GRXCR1: variants seen among roughly 807,000 people sequenced by gnomAD.
The protein encoded by GRXCR1 is glutaredoxin and cysteine rich domain containing 1, also known as glutaredoxin domain-containing cysteine-rich protein 1.
Under a neutral mutation model 27.3 loss-of-function variants are expected in GRXCR1, and 27 were observed. That is an observed-to-expected ratio of 0.99 (90% confidence interval 0.73 to 1.37). The LOEUF is 1.37. Ranked by LOEUF, GRXCR1 falls within the 40% of genes most tolerant of loss-of-function variation. The pLI is 0.00. For synonymous variants in GRXCR1, 122 were observed against 131.1 expected (o/e 0.93, Z 0.47); for missense variants, 379 against 354.4 (o/e 1.07, Z -0.56).
At chr4:42,965,141 T>C (rs1453489864) in intron 2 of GRXCR1, among the ~76,000 whole-genome samples, 1 of 152,022 alleles carries the variant, frequency 6.6e-6, no homozygotes, top group Non-Finnish European at 1.5e-5. Context: ...GCCCTATAGT[T>C]TGAGGAATCT....
At chr4:42,996,774 A>G (rs574361614) in intron 2 of GRXCR1, among the ~76,000 whole-genome samples, 1 of 152,190 alleles carries the variant, frequency 6.6e-6, no homozygotes, top group Admixed American at 6.5e-5. Context: ...AGATTAAATA[A>G]CATCCTGACA....
chr4:42,935,307 C>T (rs1747431054), intron 1 of GRXCR1, among the ~76,000 whole-genome samples: 1 of 151,628 alleles, frequency 6.6e-6, no homozygotes, highest in African/African-American at 2.4e-5. Context: ...AAAAACAACA[C>T]CAAATTAAAA....
intron 2 of GRXCR1, among the ~76,000 whole-genome samples, chr4:42,990,308 C>T (rs1711927716): frequency 6.8e-6 from 1 of 146,882 alleles, no homozygotes; most frequent in South Asian, 2.2e-4. Flanking sequence ...TCTCCTGCCT[C>T]AGCCTCCCAA....
chr4:42,968,304 A>T (rs1459270743), intron 2 of GRXCR1, among the ~76,000 whole-genome samples: 1 of 152,148 alleles, frequency 6.6e-6, no homozygotes, highest in Non-Finnish European at 1.5e-5. Context: ...GATGTCCAAT[A>T]TTATAAAATC....
chr4:43,014,783 A>G (rs1191193437), intron 2 of GRXCR1, among the ~76,000 whole-genome samples: 1 of 152,166 alleles, frequency 6.6e-6, no homozygotes, highest in East Asian at 1.9e-4. Context: ...CCCACTTGGA[A>G]TTGAATGCTG....
rs1713057853 is a variant in GRXCR1, at chr4:43,020,435, G to C, written c.693+16G>C. ...CAAAATTGAGGTAAATGTGCTTTCA[G>C]CAACTTAGTTTTAGTAATCAAAATA... On this transcript the variant is annotated intron_variant, in intron 3 of 3. Coordinates refer to ENST00000399770, the MANE Select transcript of GRXCR1 (RefSeq NM_001080476.3). The C allele has an allele frequency of 6.5e-7, 1 of 1,540,676 alleles. No homozygotes were observed. Among genetic ancestry groups the C allele is most frequent in the Admixed American group, 1.7e-5 (1 of 59,856 alleles).
chr4:43,007,274 A>G, intron 2 of GRXCR1, among the ~76,000 whole-genome samples: 1 of 152,132 alleles, frequency 6.6e-6, no homozygotes, highest in East Asian at 1.9e-4. Context: ...TGCAAGAAGG[A>G]GCTGGGCTTG....
intron 1 of GRXCR1, among the ~76,000 whole-genome samples, chr4:42,898,208 TTTAG>T (rs1382737607): frequency 2.0e-5 from 3 of 152,012 alleles, no homozygotes; most frequent in Admixed American, 6.6e-5. Context: ...AATTTCAACA[TTTAG>T]TTAGCAGGTT....
At position 42,930,403 on chromosome 4, in the gene GRXCR1, C is replaced by T. The variant is rs1747276273; in HGVS notation, c.385-32489C>T. On this transcript the variant is annotated intron_variant, in intron 1 of 3. Transcript: ENST00000399770. ...CTAACTTCTAAACCAAGCAATGGGT[C>T]TGTCTTTGAATATCCAGATGTTTAT... is the stretch of plus-strand genomic sequence containing the variant. Among the ~76,000 whole-genome samples the T allele has an allele frequency of 2.6e-5, 4 of 152,090 alleles. No homozygotes were observed. In the South Asian group the frequency reaches 8.3e-4, roughly 32 times the overall value.
intron 1 of GRXCR1, among the ~76,000 whole-genome samples, chr4:42,908,302 C>T (rs376373356): frequency 1.2e-4 from 18 of 152,230 alleles, no homozygotes; most frequent in African/African-American, 4.1e-4. Context: ...GTAGTTGTAA[C>T]GGTCTGGTAG....
intron 3 of GRXCR1, among the ~76,000 whole-genome samples, chr4:43,029,439 C>G (rs746646913): frequency 5.9e-5 from 9 of 152,122 alleles, no homozygotes; most frequent in Non-Finnish European, 1.2e-4. Flanking sequence ...AAGTCGGAAG[C>G]TTAGTATCAA....
intron 2 of GRXCR1, among the ~76,000 whole-genome samples, chr4:42,973,372 T>C (rs1467259236): frequency 6.6e-6 from 1 of 152,188 alleles, no homozygotes; most frequent in Non-Finnish European, 1.5e-5. Context: ...CAACATCTTT[T>C]CTAATTTCCC....
chr4:43,007,527 C>CT (rs1263210336), intron 2 of GRXCR1, among the ~76,000 whole-genome samples: 2 of 152,170 alleles, frequency 1.3e-5, no homozygotes, highest in Non-Finnish European at 2.9e-5. Context: ...ATTCCGGCCT[C>CT]TGCATAGAGA....
chr4:42,924,599 C>G (rs568643372), intron 1 of GRXCR1, among the ~76,000 whole-genome samples: 1 of 152,126 alleles, frequency 6.6e-6, no homozygotes, highest in Non-Finnish European at 1.5e-5. Flanking sequence ...CTTTACTTAA[C>G]AAAAATGTTT....
At chr4:42,918,303 C>A (rs983038106) in intron 1 of GRXCR1, among the ~76,000 whole-genome samples, 2 of 152,092 alleles carry the variant, frequency 1.3e-5, no homozygotes, top group Non-Finnish European at 2.9e-5. Flanking sequence ...GACTTCATGA[C>A]CTAAACACCT....
intron 1 of GRXCR1, among the ~76,000 whole-genome samples, chr4:42,908,868 C>T (rs1257602490): frequency 6.6e-6 from 1 of 152,138 alleles, no homozygotes; most frequent in South Asian, 2.1e-4. Context: ...AGCCAGGGCC[C>T]TTTCCTGTGG....
chr4:43,014,003 C>T (rs370041382), intron 2 of GRXCR1, among the ~76,000 whole-genome samples: 1 of 149,904 alleles, frequency 6.7e-6, no homozygotes, highest in African/African-American at 2.5e-5. Context: ...ACTAAAATCA[C>T]TGTCTTTGGC....
chr4:42,910,850 T>G (rs781665476), intron 1 of GRXCR1, among the ~76,000 whole-genome samples: 1 of 152,166 alleles, frequency 6.6e-6, no homozygotes, highest in Non-Finnish European at 1.5e-5. Context: ...TGCATGCTGA[T>G]TTTGATTCTT....
chr4:42,993,757 A>G (rs1712054519), intron 2 of GRXCR1, among the ~76,000 whole-genome samples: 1 of 152,132 alleles, frequency 6.6e-6, no homozygotes, highest in Non-Finnish European at 1.5e-5. Context: ...AAAAGTCAAA[A>G]AATTGTAAGT....
Sources: gnomAD v4.1 joint callset for allele counts (sites outside exome capture counted in the v4.1 genomes callset) on GRCh38, gnomAD v4.1.1 for gene constraint, MANE v1.5 for transcripts, NCBI Gene and HGNC (gene_info 2026-07-23, HGNC 2026-07-21) for gene names.